The following TENT2 variants were observed in gnomAD, a reference collection of about 807,000 sequenced individuals.
The protein encoded by TENT2 is poly(A) RNA polymerase GLD2.
In TENT2, 44 loss-of-function variants were observed where a neutral mutation model predicts 72.2. The ratio of observed to expected loss-of-function variants is 0.61; its 90% CI spans 0.48 to 0.78. The LOEUF (loss-of-function observed/expected upper bound fraction) is 0.78. Ranked by LOEUF, TENT2 falls within the 30% of genes least tolerant of loss-of-function variation. The probability of loss-of-function intolerance (pLI) is 0.00; values close to 1 mark genes in which losing one functional copy is unlikely to be tolerated. For synonymous variants in TENT2, 212 were observed against 192.5 expected, an observed-to-expected ratio of 1.10 and a Z score of -0.84; for missense variants, 541 against 569.6, an observed-to-expected ratio of 0.95 and a Z score of 0.51.
At chr5:79,651,436 T>C (rs1793945152) in intron 10 of TENT2, among the ~76,000 whole-genome samples, 1 of 149,390 alleles carries the variant, frequency 6.7e-6, no homozygotes, top group Non-Finnish European at 1.5e-5. Context: ...TTTTGCTATG[T>C]TAAGTATTAG....
chr5:79,654,916 C>T (rs1293105647), intron 10 of TENT2, among the ~76,000 whole-genome samples: 1 of 152,052 alleles, frequency 6.6e-6, no homozygotes, highest in African/African-American at 2.4e-5. Context: ...GGGTCTCTAC[C>T]AGCAAGCTGT....
At position 79,669,101 on chromosome 5, in the gene TENT2, C is replaced by T. The variant is rs747009080; in HGVS notation, c.1208+73C>T. 114 of 1,471,422 alleles carry T rather than the reference C, an allele frequency of 7.7e-5. 1 individual carries two copies. The highest frequency in any genetic ancestry group is 4.0e-4 in the African/African-American group (29 of 71,790). The allele number at this position is 1,471,422 out of a possible 1,614,324, so 91.1% of individuals were successfully genotyped here. ...GTGTATGTATGTATATATATGAATA[C>T]GAATATATAAGTAAATGCTACAGAT... On this transcript the variant is annotated intron_variant, in intron 12 of 14. Coordinates refer to ENST00000453514, the MANE Select transcript of TENT2 (RefSeq NM_001114394.3).
intron 4 of TENT2, among the ~76,000 whole-genome samples, chr5:79,633,211 A>G (rs1776969413): frequency 6.6e-6 from 1 of 152,166 alleles, no homozygotes; most frequent in Non-Finnish European, 1.5e-5. Flanking sequence ...AGCTCTTTCT[A>G]TAGCTACACG....
intron 4 of TENT2, among the ~76,000 whole-genome samples, chr5:79,637,661 A>G (rs1222789149): frequency 6.6e-6 from 1 of 152,080 alleles, no homozygotes; most frequent in African/African-American, 2.4e-5. Flanking sequence ...TCCTGGGCTT[A>G]AGCAATGCAC....
chr5:79,661,703 C>A (rs1186889421), intron 11 of TENT2, among the ~76,000 whole-genome samples: 1 of 152,188 alleles, frequency 6.6e-6, no homozygotes, highest in Non-Finnish European at 1.5e-5. Context: ...TGTGGAGAGT[C>A]TTGCTTTGAT....
chr5:79,672,283 T>C (rs576208582), intron 12 of TENT2, among the ~76,000 whole-genome samples: 1 of 152,308 alleles, frequency 6.6e-6, no homozygotes, highest in South Asian at 2.1e-4. Flanking sequence ...GGGGTATCCA[T>C]CACCTCAAGC....
intron 10 of TENT2, among the ~76,000 whole-genome samples, chr5:79,653,129 T>A (rs1795423449): frequency 6.6e-6 from 1 of 152,132 alleles, no homozygotes; most frequent in African/African-American, 2.4e-5. Context: ...TTGACTGACT[T>A]CTTTAGAAAA....
At chr5:79,645,587 A>G (rs1351152376) in intron 8 of TENT2, among the ~76,000 whole-genome samples, 43 of 152,162 alleles carry the variant, frequency 2.8e-4, no homozygotes. Context: ...ATTTTTATGA[A>G]AGATACATAT....
chr5:79,631,524 A>C (rs935382994), intron 4 of TENT2, among the ~76,000 whole-genome samples: 2 of 152,202 alleles, frequency 1.3e-5, no homozygotes, highest in African/African-American at 4.8e-5. Context: ...CAGCATACAG[A>C]TGGTAATTGA....
At chr5:79,618,129 A>G (rs999674299) in intron 1 of TENT2, among the ~76,000 whole-genome samples, 5 of 151,484 alleles carry the variant, frequency 3.3e-5, no homozygotes, top group African/African-American at 1.2e-4. Flanking sequence ...TGCCCCTACC[A>G]CCTTTTCCTT....
chr5:79,682,805 G>A (rs1325048959), intron 14 of TENT2, among the ~76,000 whole-genome samples: 1 of 152,064 alleles, frequency 6.6e-6, no homozygotes, highest in East Asian at 1.9e-4. Context: ...TTATGTATAT[G>A]TCTGTGTTTA....
At chr5:79,618,271 G>C (rs1270683844) in intron 1 of TENT2, among the ~76,000 whole-genome samples, 1 of 152,138 alleles carries the variant, frequency 6.6e-6, no homozygotes, top group Non-Finnish European at 1.5e-5. Flanking sequence ...TTGTGTCCCA[G>C]GGTGGAGTGC....
intron 1 of TENT2, among the ~76,000 whole-genome samples, chr5:79,619,050 A>G (rs4704567): frequency 0.2 from 30,871 of 152,054 alleles, 4,633 homozygotes; most frequent in African/African-American, 0.42. Context: ...TCAGTGAAGG[A>G]TTCTGATTGC....
chr5:79,661,636 T>G (rs1352229485), intron 11 of TENT2, among the ~76,000 whole-genome samples: 1 of 152,232 alleles, frequency 6.6e-6, no homozygotes, highest in East Asian at 1.9e-4. Flanking sequence ...ATACCTTTGT[T>G]TAAAAATGCT....
chr5:79,669,626 C>G (rs1811312566), intron 12 of TENT2, among the ~76,000 whole-genome samples: 1 of 151,950 alleles, frequency 6.6e-6, no homozygotes, highest in South Asian at 2.1e-4. Flanking sequence ...TCTGATCAAT[C>G]TGGAAAAGCT....
At chr5:79,668,604 A>ATC in intron 11 of TENT2, 2 of 270,886 alleles carry the variant, frequency 7.4e-6, no homozygotes, top group Non-Finnish European at 1.4e-5. Context: ...TTTGTATAGT[A>ATC]AGGTTTTATT....
chr5:79,679,684 T>A lies in TENT2; in HGVS notation c.1300+14T>A. ...TCTGTGTAGAAGGTAGTTTTCTGTT[T>A]ACCATCTACGTATCATCATGGTACT... On this transcript the variant is annotated intron_variant, in intron 13 of 14. Transcript: ENST00000453514. 1.4e-6 allele frequency: 2 copies of A among 1,472,688 alleles called. No homozygotes were observed. The highest frequency in any genetic ancestry group is 1.8e-6 in the Non-Finnish European group (2 of 1,084,312). 91.2% of individuals were successfully genotyped at this position (1,472,688 alleles called of 1,614,324 possible).
At chr5:79,641,967 A>G (rs995737983) in intron 6 of TENT2, among the ~76,000 whole-genome samples, 24 of 152,132 alleles carry the variant, frequency 1.6e-4, no homozygotes, top group African/African-American at 5.3e-4. Flanking sequence ...CTCAACCTGT[A>G]GTATGTTTAC....
intron 3 of TENT2, among the ~76,000 whole-genome samples, chr5:79,622,804 G>A (rs1387699918): frequency 1.3e-5 from 2 of 152,246 alleles, no homozygotes; most frequent in South Asian, 2.1e-4. Flanking sequence ...TTATTGAAAA[G>A]TGTTTCTTAA....
Sources: gnomAD v4.1 joint callset for allele counts (sites outside exome capture counted in the v4.1 genomes callset) on GRCh38, gnomAD v4.1.1 for gene constraint, MANE v1.5 for transcripts, NCBI Gene and HGNC (gene_info 2026-07-23, HGNC 2026-07-21) for gene names.